The following RHBDD1 variants were observed in gnomAD, a reference collection of about 807,000 sequenced individuals.
RHBDD1 encodes rhomboid-related protein 4.
In RHBDD1, 38 loss-of-function variants were observed where a neutral mutation model predicts 36.3. That is an observed-to-expected ratio of 1.05 (90% CI 0.81 to 1.37). RHBDD1 has a LOEUF of 1.37. Ranked by LOEUF, RHBDD1 falls within the 40% of genes most tolerant of loss-of-function variation. RHBDD1 has a pLI of 0.00. For missense variants in RHBDD1, 393 were observed against 377.6 expected (o/e 1.04, Z -0.34); for synonymous variants, 151 against 136.5 (o/e 1.11, Z -0.74).
At chr2:226,947,645 G>A (rs1951077846) in intron 8 of RHBDD1, among the ~76,000 whole-genome samples, 1 of 152,050 alleles carries the variant, frequency 6.6e-6, no homozygotes, top group Non-Finnish European at 1.5e-5. Flanking sequence ...TGAAGAAAAT[G>A]GGAGAAAATT....
intron 3 of RHBDD1, among the ~76,000 whole-genome samples, chr2:226,845,166 A>C (rs959102097): frequency 1.3e-5 from 2 of 152,180 alleles, no homozygotes; most frequent in African/African-American, 4.8e-5. Flanking sequence ...TATATTTGTT[A>C]TACTTTTTAA....
rs191525033 is a variant in RHBDD1, at chr2:226,888,441, A to T, written c.567-18352A>T. On this transcript the variant is annotated intron_variant, in intron 5 of 8. Coordinates refer to ENST00000392062, the MANE Select transcript of RHBDD1 (RefSeq NM_001167608.3). ...TTTTTTTCAAAAATTCAGTTTTAAT[A>T]ATATTAGTTATAAACTTAAAAATCC... 6.9e-4 allele frequency among the ~76,000 whole-genome samples: 105 copies of T among 152,176 alleles called. 1 individual carries two copies. In the East Asian group the frequency reaches 0.018, roughly 25 times the overall value.
At chr2:226,815,324 A>G in the RHBDD1 span, among the ~76,000 whole-genome samples, 1 of 152,220 alleles carries the variant, frequency 6.6e-6, no homozygotes, top group Non-Finnish European at 1.5e-5. Flanking sequence ...CAATAAGAAC[A>G]GCTAAAATTA....
rs141382624 is a variant in RHBDD1 at position 226,863,926 on chromosome 2, G to C, written c.-90-678G>C. 2.4e-4 allele frequency among the ~76,000 whole-genome samples: 36 copies of C among 152,042 alleles called. No individual in the cohort carries two copies. In the East Asian group the frequency reaches 6.6e-3, roughly 28 times the overall value. ...AGGCTGTGTTGTGTGCCTGTGCTCTGGGTTCCCTCTCTCACTGCATTTAGA... is the reference window on the plus strand; with the variant it reads ...AGGCTGTGTTGTGTGCCTGTGCTCTCGGTTCCCTCTCTCACTGCATTTAGA... On this transcript the variant is annotated intron_variant, in intron 3 of 8. Transcript: ENST00000392062.
In RHBDD1 at chr2:226,865,077, A is replaced by G; in HGVS notation, c.384A>G (p.Glu128=). ...VYLLLQFAVA[E]FMDEPDFKRS... is the part of the protein sequence containing the mutation. ...TGCTCTTGCAATTTGCTGTTGCCGA[A>G]TTTATGGATGAACCTGACTTCAAAA... is the stretch of plus-strand genomic sequence containing the variant. Residue 128 remains glutamate (E), a synonymous_variant, in exon 4 of 9, where the codon GAA becomes GAG. Coordinates refer to ENST00000392062, the MANE Select transcript of RHBDD1 (RefSeq NM_001167608.3). 1.2e-6 allele frequency: 2 copies of G among 1,614,158 alleles called. No homozygotes were observed. The highest frequency in any genetic ancestry group is 2.7e-5 in the African/African-American group (2 of 75,058).
At chr2:226,960,098 C>T (rs919263451) in intron 8 of RHBDD1, among the ~76,000 whole-genome samples, 68 of 152,186 alleles carry the variant, frequency 4.5e-4, no homozygotes, top group African/African-American at 1.6e-3. Flanking sequence ...GCTGGGATTA[C>T]AGGCATGAGC....
intron 5 of RHBDD1, among the ~76,000 whole-genome samples, chr2:226,899,166 G>A (rs1195208895): frequency 6.6e-6 from 1 of 152,178 alleles, no homozygotes; most frequent in Non-Finnish European, 1.5e-5. Context: ...ACTTAACTCA[G>A]CGTTACAATA....
At chr2:226,988,586 G>C (rs1957512536) in intron 8 of RHBDD1, 1 of 1,380,952 alleles carries the variant, frequency 7.2e-7, no homozygotes, top group Non-Finnish European at 9.4e-7. Context: ...AGAAACATCA[G>C]AAGAGGCCGG....
chr2:226,853,483 G>T (rs904329982), intron 3 of RHBDD1, among the ~76,000 whole-genome samples: 3 of 152,224 alleles, frequency 2.0e-5, no homozygotes, highest in Non-Finnish European at 4.4e-5. Context: ...GTCTCGCAAG[G>T]GTCACAGCTG....
intron 5 of RHBDD1, among the ~76,000 whole-genome samples, chr2:226,868,059 T>C (rs1944485412): frequency 6.6e-6 from 1 of 152,210 alleles, no homozygotes; most frequent in Non-Finnish European, 1.5e-5. Context: ...ATTGTCTTGG[T>C]AGTAGAACTT....
intron 8 of RHBDD1, among the ~76,000 whole-genome samples, chr2:226,939,292 G>C (rs531636860): frequency 1.3e-5 from 2 of 152,230 alleles, no homozygotes; most frequent in African/African-American, 4.8e-5. Flanking sequence ...AATCGAACAA[G>C]AGAAAGAAAT....
intron 8 of RHBDD1, among the ~76,000 whole-genome samples, chr2:226,949,150 T>G (rs1430840461): frequency 6.6e-6 from 1 of 152,118 alleles, no homozygotes; most frequent in Non-Finnish European, 1.5e-5. Context: ...GGAAAAACAT[T>G]CCATGCTCAT....
At chr2:226,836,566 A>G (rs1940989240) in intron 1 of RHBDD1, among the ~76,000 whole-genome samples, 1 of 152,162 alleles carries the variant, frequency 6.6e-6, no homozygotes, top group Non-Finnish European at 1.5e-5. Flanking sequence ...GCCAAAGTAA[A>G]CCCTTTCTGT....
rs114182693 is a variant in RHBDD1, at chr2:226,984,347, G to C, written c.857-11084G>C. ...GTACTAATATGATCAGGTTATAGTG[G>C]GGTCCCTCTTCCTGGATTATAGATG... is the stretch of plus-strand genomic sequence containing the variant. On this transcript the variant is annotated intron_variant, in intron 8 of 8. Transcript: ENST00000392062. 6.0e-3 allele frequency among the ~76,000 whole-genome samples: 918 copies of C among 152,328 alleles called. 8 individuals carry two copies. Among genetic ancestry groups the C allele is most frequent in the African/African-American group, 0.021 (871 of 41,576 alleles).
In RHBDD1 at chr2:226,867,311, T is replaced by C. The variant is rs1338306406; in HGVS notation, c.559T>C (p.Ser187Pro). The change falls in exon 5 of 9, where the codon TCA becomes CCA. Residue 187 changes from serine to proline, a missense_variant. By Grantham distance (74) the Ser-to-Pro change is moderately conservative. Coordinates refer to ENST00000392062, the MANE Select transcript of RHBDD1 (RefSeq NM_001167608.3). Reference protein sequence around the residue: ...WVELVAIHLFSPGTSFAGHLA... With the variant: ...WVELVAIHLFPPGTSFAGHLA... ...CGAACTTGTGGCTATTCATTTATTC[T>C]CACCAGGGTAAGTGTTTTCTTTTGG... 6.2e-7 allele frequency: 1 copy of C among 1,612,536 alleles called. No individual in the cohort carries two copies. Among genetic ancestry groups the C allele is most frequent in the African/African-American group, 1.3e-5 (1 of 74,880 alleles).
intron 8 of RHBDD1, among the ~76,000 whole-genome samples, chr2:226,941,225 CA>C: frequency 6.6e-6 from 1 of 151,678 alleles, no homozygotes; most frequent in East Asian, 1.9e-4. Flanking sequence ...CTCAGCCTCC[CA>C]AAGTGCTGGG....
chr2:226,851,258 G>A (rs1942785242), intron 3 of RHBDD1, among the ~76,000 whole-genome samples: 1 of 151,752 alleles, frequency 6.6e-6, no homozygotes, highest in Non-Finnish European at 1.5e-5. Context: ...CTCCATCTAT[G>A]TCTCTGCATT....
intron 3 of RHBDD1, among the ~76,000 whole-genome samples, chr2:226,845,438 G>A (rs1011247944): frequency 5.9e-5 from 9 of 152,166 alleles, no homozygotes; most frequent in Non-Finnish European, 1.0e-4. Context: ...CACGTGGCTG[G>A]TGTATCGTAG....
chr2:226,843,461 TGA>T (rs1243501395), intron 3 of RHBDD1, among the ~76,000 whole-genome samples: 2 of 152,194 alleles, frequency 1.3e-5, no homozygotes, highest in African/African-American at 4.8e-5. Flanking sequence ...CCTAGTTTAT[TGA>T]GAGTTTTTAA....
Sources: allele counts gnomAD v4.1 joint callset (sites outside exome capture counted in the v4.1 genomes callset), GRCh38; gene constraint gnomAD v4.1.1; transcripts MANE v1.5; gene names NCBI Gene and HGNC (gene_info 2026-07-23, HGNC 2026-07-21).